KCNIP1: variants seen among roughly 807,000 people sequenced by gnomAD.
KCNIP1 encodes potassium voltage-gated channel interacting protein 1.
In KCNIP1, 18 loss-of-function variants were observed where a neutral mutation model predicts 33.0. The observed-to-expected ratio is 0.55, with a 90% confidence interval of 0.38 to 0.81. KCNIP1 has a LOEUF of 0.81. Ranked by LOEUF, KCNIP1 falls within the 30% of genes least tolerant of loss-of-function variation. KCNIP1 has a pLI of 0.00. For synonymous variants in KCNIP1, 93 were observed against 98.3 expected (o/e 0.95, Z 0.32); for missense variants, 238 against 271.6 (o/e 0.88, Z 0.87).
intron 1 of KCNIP1, among the ~76,000 whole-genome samples, chr5:170,400,902 G>A (rs1396938447): frequency 1.3e-5 from 2 of 152,258 alleles, no homozygotes; most frequent in Admixed American, 6.5e-5. Context: ...AATGTGAACA[G>A]TGTAAGTGGA....
At chr5:170,634,224 G>T (rs1263840654) in intron 1 of KCNIP1, among the ~76,000 whole-genome samples, 4 of 152,168 alleles carry the variant, frequency 2.6e-5, no homozygotes, top group Non-Finnish European at 1.5e-5. Flanking sequence ...CTTATGTTCG[G>T]ACTTGTTAAG....
At chr5:170,413,895 C>A (rs1755259022) in intron 1 of KCNIP1, among the ~76,000 whole-genome samples, 1 of 148,254 alleles carries the variant, frequency 6.7e-6, no homozygotes. Context: ...TGGTCTTGTC[C>A]AACTGTATCT....
chr5:170,669,660 G>C, intron 1 of KCNIP1: 1 of 985,244 alleles, frequency 1.0e-6, no homozygotes, highest in Non-Finnish European at 1.2e-6. Context: ...AGAGTTCCTG[G>C]GTATGAAGGT....
chr5:170,381,177 T>C (rs1246615676), intron 1 of KCNIP1, among the ~76,000 whole-genome samples: 1 of 152,168 alleles, frequency 6.6e-6, no homozygotes, highest in Non-Finnish European at 1.5e-5. Context: ...GGCAAGACAC[T>C]GGGCAGGAAT....
chr5:170,731,223 C>T (rs904173367), intron 5 of KCNIP1, among the ~76,000 whole-genome samples: 2 of 152,182 alleles, frequency 1.3e-5, no homozygotes, highest in African/African-American at 4.8e-5. Flanking sequence ...CATCTCAACA[C>T]TATGTAACTC....
intron 1 of KCNIP1, among the ~76,000 whole-genome samples, chr5:170,641,243 C>T (rs766360032): frequency 8.5e-5 from 13 of 152,210 alleles, no homozygotes; most frequent in Non-Finnish European, 1.6e-4. Context: ...CAGACCCCAC[C>T]TCTGTGCCTC....
intron 1 of KCNIP1, among the ~76,000 whole-genome samples, chr5:170,615,776 C>T (rs529418987): frequency 2.2e-4 from 33 of 152,066 alleles, no homozygotes; most frequent in Non-Finnish European, 3.1e-4. Context: ...TGTCAAATGG[C>T]GTTTGACACA....
intron 1 of KCNIP1, among the ~76,000 whole-genome samples, chr5:170,635,200 T>G (rs1301166040): frequency 6.6e-6 from 1 of 152,138 alleles, no homozygotes; most frequent in Non-Finnish European, 1.5e-5. Context: ...CAGCTAATTT[T>G]TGTATTTTTA....
At position 170,693,609 on chromosome 5, in the gene KCNIP1, C is replaced by A. The variant is rs554536643; in HGVS notation, c.62-25149C>A. On this transcript the variant is annotated intron_variant, in intron 1 of 7. Transcript: ENST00000328939. ...TCCCACGTCTCTGCCTTTACCGAATCAAACACCTGAGCACGGAAGACCCTC... is the reference window on the plus strand; with the variant it reads ...TCCCACGTCTCTGCCTTTACCGAATAAAACACCTGAGCACGGAAGACCCTC... 3.9e-5 allele frequency among the ~76,000 whole-genome samples: 6 copies of A among 152,322 alleles called. No homozygotes were observed. The South Asian group carries it at 1.2e-3, about 32-fold the overall frequency.
At chr5:170,440,059 G>T (rs1312823540) in intron 1 of KCNIP1, among the ~76,000 whole-genome samples, 1 of 152,204 alleles carries the variant, frequency 6.6e-6, no homozygotes, top group Non-Finnish European at 1.5e-5. Context: ...TCATTAGGTT[G>T]GGCCCTCATC....
intron 1 of KCNIP1, among the ~76,000 whole-genome samples, chr5:170,601,180 G>T (rs1168916615): frequency 6.6e-6 from 1 of 152,272 alleles, no homozygotes; most frequent in Non-Finnish European, 1.5e-5. Context: ...AGACTGGGCT[G>T]CAGTGCCTTT....
exon 1 of KCNIP1, chr5:170,353,823 T>C: frequency 6.5e-7 from 1 of 1,545,066 alleles, no homozygotes; most frequent in Non-Finnish European, 8.9e-7. Context: ...GTGCACAAGG[T>C]GGGCACTGTC....
chr5:170,662,556 A>G (rs1761541386), intron 1 of KCNIP1, among the ~76,000 whole-genome samples: 1 of 152,132 alleles, frequency 6.6e-6, no homozygotes, highest in Non-Finnish European at 1.5e-5. Flanking sequence ...CCTGCCACCA[A>G]ACAGGCCTGG....
At chr5:170,460,643 T>C (rs760650053) in intron 1 of KCNIP1, among the ~76,000 whole-genome samples, 2 of 152,112 alleles carry the variant, frequency 1.3e-5, no homozygotes, top group Non-Finnish European at 2.9e-5. Flanking sequence ...TCCAGCACGC[T>C]TCTATGATTA....
intron 1 of KCNIP1, among the ~76,000 whole-genome samples, chr5:170,556,845 G>T (rs1299669683): frequency 6.6e-6 from 1 of 152,222 alleles, no homozygotes; most frequent in African/African-American, 2.4e-5. Flanking sequence ...TCTGCAGTCA[G>T]CTCTAGCTGC....
At chr5:170,492,725 A>G (rs1362669983) in intron 1 of KCNIP1, among the ~76,000 whole-genome samples, 1 of 152,018 alleles carries the variant, frequency 6.6e-6, no homozygotes, top group Admixed American at 6.6e-5. Context: ...GCTTTGTGCT[A>G]GGAATGGGAG....
intron 1 of KCNIP1, among the ~76,000 whole-genome samples, chr5:170,613,209 C>T (rs1183911114): frequency 2.0e-5 from 3 of 152,174 alleles, no homozygotes; most frequent in Non-Finnish European, 4.4e-5. Context: ...TTCCTCATCT[C>T]GCCTCCCACC....
intron 1 of KCNIP1, among the ~76,000 whole-genome samples, chr5:170,428,091 C>G (rs1389283299): frequency 6.6e-6 from 1 of 152,228 alleles, no homozygotes; most frequent in Non-Finnish European, 1.5e-5. Context: ...CACTCCTCCC[C>G]TTCTAATGTG....
At chr5:170,353,657 T>C (rs1763269806) in exon 1 of KCNIP1, 1 of 589,872 alleles carries the variant, frequency 1.7e-6, no homozygotes, top group East Asian at 2.8e-5. Context: ...ACAGCAGGAG[T>C]GGGTGGAGAG....
Sources: gnomAD v4.1 joint callset for allele counts (sites outside exome capture counted in the v4.1 genomes callset) on GRCh38, gnomAD v4.1.1 for gene constraint, MANE v1.5 for transcripts, NCBI Gene and HGNC (gene_info 2026-07-23, HGNC 2026-07-21) for gene names.